The following CDKAL1 variants were observed in gnomAD, a reference collection of about 807,000 sequenced individuals.
CDKAL1 encodes the protein threonylcarbamoyladenosine tRNA methylthiotransferase.
Under a neutral mutation model 68.2 loss-of-function variants are expected in CDKAL1, and 32 were observed. The ratio of observed to expected loss-of-function variants is 0.47; its 90% CI spans 0.35 to 0.63. CDKAL1 has a LOEUF of 0.63. Among genes scored for constraint, CDKAL1 ranks in the 30% least tolerant of loss-of-function variants. CDKAL1 has a pLI of 0.00. For missense variants in CDKAL1, 606 were observed against 696.7 expected (o/e 0.87, Z 1.47); for synonymous variants, 234 against 244.3 (o/e 0.96, Z 0.39).
chr6:21,104,702 A>G (rs1320763933), intron 12 of CDKAL1, among the ~76,000 whole-genome samples: 2 of 152,166 alleles, frequency 1.3e-5, no homozygotes, highest in Non-Finnish European at 2.9e-5. Context: ...ACTTCACAGT[A>G]TTTGTATATA....
intron 15 of CDKAL1, among the ~76,000 whole-genome samples, chr6:21,203,249 T>C (rs796183958): frequency 0.013 from 1,760 of 133,306 alleles, 55 homozygotes; most frequent in African/African-American, 0.048. Context: ...TTTTTTTTTT[T>C]TTTGAGTCAG....
intron 12 of CDKAL1, among the ~76,000 whole-genome samples, chr6:21,089,438 C>A (rs981297449): frequency 6.6e-6 from 1 of 152,118 alleles, no homozygotes; most frequent in African/African-American, 2.4e-5. Context: ...GATCCTTCCA[C>A]TACATTCCAG....
At chr6:20,896,856 T>C (rs1322238083) in intron 9 of CDKAL1, among the ~76,000 whole-genome samples, 1 of 152,164 alleles carries the variant, frequency 6.6e-6, no homozygotes, top group South Asian at 2.1e-4. Flanking sequence ...CAAAGAGAGC[T>C]GTGACCTTGG....
chr6:20,563,294 T>C (rs1764337502), intron 4 of CDKAL1, among the ~76,000 whole-genome samples: 1 of 152,148 alleles, frequency 6.6e-6, no homozygotes, highest in East Asian at 1.9e-4. Context: ...CTGGAATAAA[T>C]GTTATGGCTT....
rs114381192 is a variant in CDKAL1 at position 20,673,797 on chromosome 6, G to A, written c.371+24420G>A. Among the ~76,000 whole-genome samples, 614 of 152,136 alleles carry A rather than the reference G, an allele frequency of 4.0e-3. 4 individuals are homozygous for A. Among genetic ancestry groups the A allele is most frequent in the Admixed American group, 7.7e-3 (118 of 15,284 alleles). On this transcript the variant is annotated intron_variant, in intron 5 of 15. Coordinates refer to ENST00000274695, the MANE Select transcript of CDKAL1 (RefSeq NM_017774.3). ...AAGATGTGACTTACTCCTCCTTACCGTCCGCCATGACTGTGAGGTCTCCCC... is the reference window on the plus strand; with the variant it reads ...AAGATGTGACTTACTCCTCCTTACCATCCGCCATGACTGTGAGGTCTCCCC...
intron 7 of CDKAL1, among the ~76,000 whole-genome samples, chr6:20,766,691 T>C (rs1242412567): frequency 6.6e-6 from 1 of 152,240 alleles, no homozygotes; most frequent in African/African-American, 2.4e-5. Flanking sequence ...TGAGCAAATA[T>C]ATGTTTGAAC....
At chr6:21,175,977 TGGGCTGTGCCC>T (rs1467077421) in intron 13 of CDKAL1, among the ~76,000 whole-genome samples, 1 of 152,278 alleles carries the variant, frequency 6.6e-6, no homozygotes, top group African/African-American at 2.4e-5. Context: ...GGTTTGAACA[TGGGCTGTGCCC>T]GTCACCTACC....
intron 7 of CDKAL1, among the ~76,000 whole-genome samples, chr6:20,771,302 G>A (rs562439899): frequency 1.3e-5 from 2 of 152,158 alleles, no homozygotes; most frequent in Admixed American, 1.3e-4. Context: ...TTATCTCAAC[G>A]GGTTGAGGAC....
intron 11 of CDKAL1, among the ~76,000 whole-genome samples, chr6:21,047,409 T>C (rs1770300820): frequency 6.6e-6 from 1 of 152,212 alleles, no homozygotes; most frequent in Non-Finnish European, 1.5e-5. Context: ...CCACCAGAGC[T>C]AACCTCTAGG....
intron 4 of CDKAL1, among the ~76,000 whole-genome samples, chr6:20,604,155 C>T (rs947747210): frequency 3.9e-5 from 6 of 152,116 alleles, no homozygotes; most frequent in African/African-American, 1.4e-4. Flanking sequence ...GAACAACGTG[C>T]TGTGTGCATG....
chr6:21,116,256 T>G (rs1042417702), intron 13 of CDKAL1, among the ~76,000 whole-genome samples: 1 of 152,088 alleles, frequency 6.6e-6, no homozygotes, highest in African/African-American at 2.4e-5. Flanking sequence ...TCGGTGCGCT[T>G]AAGATGATAT....
intron 11 of CDKAL1, among the ~76,000 whole-genome samples, chr6:21,027,860 G>C (rs775543314): frequency 2.6e-5 from 4 of 152,210 alleles, no homozygotes; most frequent in Non-Finnish European, 5.9e-5. Context: ...GGAGAACTGA[G>C]TGTAGATCAT....
intron 6 of CDKAL1, among the ~76,000 whole-genome samples, chr6:20,757,374 A>T (rs546327175): frequency 6.6e-6 from 1 of 152,314 alleles, no homozygotes; most frequent in East Asian, 1.9e-4. Context: ...TCATGCATCC[A>T]TACAGAGAGA....
At chr6:21,206,091 A>G (rs925983253) in intron 15 of CDKAL1, among the ~76,000 whole-genome samples, 1 of 151,792 alleles carries the variant, frequency 6.6e-6, no homozygotes, top group Non-Finnish European at 1.5e-5. Context: ...TTAGCCTCCC[A>G]AAGTGCTGGG....
intron 11 of CDKAL1, among the ~76,000 whole-genome samples, chr6:21,005,033 C>T (rs1479855345): frequency 6.6e-6 from 1 of 150,920 alleles, no homozygotes; most frequent in African/African-American, 2.4e-5. Context: ...TGTCACATAA[C>T]TGATGTTTCT....
chr6:20,748,308 C>T (rs2150335545), intron 6 of CDKAL1, among the ~76,000 whole-genome samples: 1 of 152,034 alleles, frequency 6.6e-6, no homozygotes, highest in South Asian at 2.1e-4. Context: ...GGGCAACATA[C>T]TGAAACCTTG....
At chr6:20,819,651 A>G (rs568940149) in intron 8 of CDKAL1, among the ~76,000 whole-genome samples, 4 of 152,254 alleles carry the variant, frequency 2.6e-5, no homozygotes, top group African/African-American at 9.6e-5. Flanking sequence ...ATCTTGTGCT[A>G]TATCGAACGC....
chr6:20,863,331 T>C (rs1018078248), intron 9 of CDKAL1, among the ~76,000 whole-genome samples: 3 of 152,246 alleles, frequency 2.0e-5, no homozygotes, highest in African/African-American at 4.8e-5. Context: ...CATAATTTTT[T>C]CTTCATACAT....
intron 8 of CDKAL1, among the ~76,000 whole-genome samples, chr6:20,824,002 A>C (rs1265829023): frequency 6.6e-6 from 1 of 152,080 alleles, no homozygotes; most frequent in Non-Finnish European, 1.5e-5. Context: ...AATGGGACAA[A>C]GGTTAAGGTA....
Sources: gnomAD v4.1 joint callset for allele counts (sites outside exome capture counted in the v4.1 genomes callset) on GRCh38, gnomAD v4.1.1 for gene constraint, MANE v1.5 for transcripts, NCBI Gene and HGNC (gene_info 2026-07-23, HGNC 2026-07-21) for gene names.